The following CUX1 variants were observed in gnomAD, a reference collection of about 807,000 sequenced individuals.
CUX1 encodes cut like homeobox 1, also known as protein CASP.
A neutral mutation model predicts 158.8 loss-of-function variants in CUX1; 31 were observed. The observed-to-expected ratio is 0.20, with a 90% CI of 0.15 to 0.26. The LOEUF (loss-of-function observed/expected upper bound fraction) is 0.26, where lower values mean the gene tolerates loss of function less well. Among genes scored for constraint, CUX1 ranks in the 10% least tolerant of loss-of-function variants. The pLI is 1.00. For missense variants in CUX1, 1,589 were observed against 2,014.6 expected, an observed-to-expected ratio of 0.79 and a Z score of 4.04; for synonymous variants, 879 against 862.1, an observed-to-expected ratio of 1.02 and a Z score of -0.34.
chr7:101,907,960 G>GA lies in CUX1; in HGVS notation c.31-8145dup, dbSNP rs552170496. 5.3e-4 allele frequency among the ~76,000 whole-genome samples: 78 copies of GA among 147,360 alleles called. 1 individual carries two copies. Among genetic ancestry groups the GA allele is most frequent in the South Asian group, 1.9e-3 (9 of 4,668 alleles). On this transcript the variant is annotated intron_variant, in intron 1 of 23. Transcript: ENST00000292535. ...CATAGCAAGACTTCCATCTATTAAA[G>GA]AAAAAAAAAACCATCGTTTACTTTT...
At chr7:101,893,546 C>T (rs1735334548) in intron 1 of CUX1, among the ~76,000 whole-genome samples, 1 of 152,124 alleles carries the variant, frequency 6.6e-6, no homozygotes, top group Admixed American at 6.6e-5. Flanking sequence ...GTTCTTTCAT[C>T]ATTTGAGCAG....
intron 5 of CUX1, among the ~76,000 whole-genome samples, chr7:102,100,413 C>T (rs1829652607): frequency 6.6e-6 from 1 of 152,218 alleles, no homozygotes. Context: ...AATTCTGATA[C>T]TTACCAGGTA....
chr7:101,834,661 G>A (rs900310395), intron 1 of CUX1, among the ~76,000 whole-genome samples: 24 of 151,942 alleles, frequency 1.6e-4, no homozygotes, highest in Non-Finnish European at 2.5e-4. Context: ...CAATACCTCC[G>A]TCCCGTAACT....
At position 102,081,577 on chromosome 7, in the gene CUX1, T is replaced by C. The variant is rs1460891155; in HGVS notation, c.268+11160T>C. On this transcript the variant is annotated intron_variant, in intron 4 of 23. Coordinates refer to ENST00000292535, the MANE Select transcript of CUX1 (RefSeq NM_181552.4). The stretch of plus-strand genomic sequence containing the variant: ...CTGTTTCCTGAGGCCTCCCCAGCCA[T>C]GTGGAACTGTGATTCCATTAAACCC... 1.4e-5 allele frequency among the ~76,000 whole-genome samples: 2 copies of C among 147,228 alleles called. 1 individual carries two copies. Among genetic ancestry groups the C allele is most frequent in the Non-Finnish European group, 3.1e-5 (2 of 65,194 alleles).
chr7:102,092,582 C>T (rs1316554017), intron 4 of CUX1, among the ~76,000 whole-genome samples: 1 of 152,152 alleles, frequency 6.6e-6, no homozygotes, highest in African/African-American at 2.4e-5. Context: ...TACCCCTAAC[C>T]TACCAAACAT....
Position 102,249,522 on chromosome 7 carries a change from A to G in CUX1, c.*480A>G, listed in dbSNP as rs1299085298. ...CCTAAGTGATTTCCACAGGTTCTGGAATAACTCTTACAGCTTTGCCTTGTG... is the reference window on the plus strand; with the variant it reads ...CCTAAGTGATTTCCACAGGTTCTGGGATAACTCTTACAGCTTTGCCTTGTG... On this transcript the variant is annotated 3_prime_UTR_variant, in exon 24 of 24. Transcript: ENST00000292535. 16 of 985,786 alleles carry G rather than the reference A, an allele frequency of 1.6e-5. No homozygotes were observed. Among genetic ancestry groups the G allele is most frequent in the Non-Finnish European group, 1.9e-5 (16 of 829,946 alleles). The allele number at this position is 985,786 out of a possible 1,614,324, so 61.1% of individuals were successfully genotyped here.
intron 3 of CUX1, among the ~76,000 whole-genome samples, chr7:102,059,631 CAAAA>C (rs747660590): frequency 0.23 from 19,828 of 88,022 alleles, 1,364 homozygotes; most frequent in Middle Eastern, 0.29. Context: ...GACTTCATCT[CAAAA>C]AAAAAAAAAA....
intron 2 of CUX1, among the ~76,000 whole-genome samples, chr7:102,013,701 T>G (rs1818291001): frequency 6.6e-6 from 1 of 152,240 alleles, no homozygotes; most frequent in Admixed American, 6.5e-5. Flanking sequence ...CAAACGCTTC[T>G]CATTTCATTT....
chr7:102,150,223 T>C (rs1554503223), intron 8 of CUX1, among the ~76,000 whole-genome samples: 2 of 152,222 alleles, frequency 1.3e-5, no homozygotes, highest in African/African-American at 4.8e-5. Flanking sequence ...TGGCACGATC[T>C]CAGCTCACTT....
chr7:101,992,021 G>A (rs909193383), intron 2 of CUX1, among the ~76,000 whole-genome samples: 2 of 152,202 alleles, frequency 1.3e-5, no homozygotes, highest in East Asian at 1.9e-4. Flanking sequence ...GTGAGATTCC[G>A]TTTCAAAAAT....
chr7:102,249,891 G>C lies in CUX1; in HGVS notation c.*849G>C, dbSNP rs1801307724. 1.0e-6 allele frequency: 1 copy of C among 985,562 alleles called. No individual in the cohort carries two copies. Among genetic ancestry groups the C allele is most frequent in the Non-Finnish European group, 1.2e-6 (1 of 829,898 alleles). 61.1% of individuals were successfully genotyped at this position (985,562 alleles called of 1,614,324 possible). On this transcript the variant is annotated 3_prime_UTR_variant, in exon 24 of 24. Coordinates refer to ENST00000292535, the MANE Select transcript of CUX1 (RefSeq NM_181552.4). ...TTAACAAAAAGAAAACGTCACATCAGGAAACTCTGATTTTGTGGTAGCTGA... is the reference window on the plus strand; with the variant it reads ...TTAACAAAAAGAAAACGTCACATCACGAAACTCTGATTTTGTGGTAGCTGA...
chr7:101,888,263 G>A (rs920858707), intron 1 of CUX1, among the ~76,000 whole-genome samples: 1 of 152,056 alleles, frequency 6.6e-6, no homozygotes, highest in Non-Finnish European at 1.5e-5. Context: ...CCCAGGAGAC[G>A]GAGGTTGTAG....
intron 18 of CUX1, chr7:102,278,071 G>A (rs782201562): frequency 2.5e-6 from 4 of 1,600,146 alleles, no homozygotes; most frequent in East Asian, 2.2e-5. Flanking sequence ...GCCGGGTGAG[G>A]GCCCTCCCCT....
chr7:102,175,931 T>TA (rs782551639), intron 10 of CUX1, among the ~76,000 whole-genome samples: 30 of 152,382 alleles, frequency 2.0e-4, no homozygotes, highest in Non-Finnish European at 3.4e-4. Context: ...TCGATTTCTG[T>TA]AATTGCCTCA....
intron 2 of CUX1, among the ~76,000 whole-genome samples, chr7:101,924,995 A>G (rs930770704): frequency 2.0e-5 from 3 of 152,134 alleles, no homozygotes; most frequent in African/African-American, 7.2e-5. Context: ...TTTACTCCTC[A>G]TTAGACCCTA....
chr7:102,153,652 CGT>C (rs1554504271), intron 8 of CUX1: 1 of 152,298 alleles, frequency 6.6e-6, no homozygotes, highest in African/African-American at 2.4e-5. Context: ...GAATGCCTAC[CGT>C]GTGTTTTTCT....
chr7:101,818,035 A>G lies in CUX1; in HGVS notation c.30+366A>G, dbSNP rs1299349322. The stretch of plus-strand genomic sequence containing the variant: ...TGCTTGTTTTCTGCTCTTGCCTACT[A>G]AGAACGATAAAGCCGAGTCATAGTC... On this transcript the variant is annotated intron_variant, in intron 1 of 23. Coordinates refer to ENST00000292535, the MANE Select transcript of CUX1 (RefSeq NM_181552.4). Among the ~76,000 whole-genome samples the G allele has an allele frequency of 2.0e-5, 3 of 152,328 alleles. No individual in the cohort carries two copies. The East Asian group carries it at 5.8e-4, about 29-fold the overall frequency.
At chr7:102,223,365 T>C (rs1302921873) in intron 20 of CUX1, among the ~76,000 whole-genome samples, 2 of 152,088 alleles carry the variant, frequency 1.3e-5, no homozygotes, top group Non-Finnish European at 2.9e-5. Flanking sequence ...TGTCAGGCAT[T>C]GTGGGAGAAA....
Position 102,203,095 on chromosome 7 carries a change from T to TA in CUX1, c.2907+892dup, listed in dbSNP as rs372950231. 2.8e-3 allele frequency among the ~76,000 whole-genome samples: 431 copies of TA among 152,256 alleles called. 9 individuals carry two copies. Among genetic ancestry groups the TA allele is most frequent in the Admixed American group, 0.023 (351 of 15,284 alleles). ...GATTCTCCTGCTTCAGCCTCCTGAG[T>TA]AGCTGGGATTACGAGTGCCCACCAC... On this transcript the variant is annotated intron_variant, in intron 18 of 23. Coordinates refer to ENST00000292535, the MANE Select transcript of CUX1 (RefSeq NM_181552.4).
Sources: allele counts gnomAD v4.1 joint callset (sites outside exome capture counted in the v4.1 genomes callset), GRCh38; gene constraint gnomAD v4.1.1; transcripts MANE v1.5; gene names NCBI Gene and HGNC (gene_info 2026-07-23, HGNC 2026-07-21).